AHNAK: variants seen among roughly 807,000 people sequenced by gnomAD.
AHNAK encodes neuroblast differentiation-associated protein AHNAK.
Under a neutral mutation model 37.8 loss-of-function variants are expected in AHNAK, and 23 were observed. That is an observed-to-expected ratio of 0.61 (90% confidence interval 0.44 to 0.86). The LOEUF is 0.86. Ranked by LOEUF, AHNAK falls within the 40% of genes least tolerant of loss-of-function variation. The pLI, the probability that AHNAK is intolerant of heterozygous loss-of-function variation, is 0.00. For missense variants in AHNAK, 7,411 were observed against 7,319.4 expected (o/e 1.01, Z -0.46); for synonymous variants, 2,481 against 2,636.3 (o/e 0.94, Z 1.80).
At position 62,525,089 on chromosome 11, in the gene AHNAK, C is replaced by G. The variant is rs1185772484; in HGVS notation, c.9328G>C (p.Asp3110His). 1.2e-6 allele frequency: 2 copies of G among 1,614,156 alleles called. No homozygotes were observed. Among genetic ancestry groups the G allele is most frequent in the Non-Finnish European group, 8.5e-7 (1 of 1,180,030 alleles). ...CCTTCCACTTTTGGCAGAGACACATCCATGTCACCCTTCACTTTGGGACCT... is the reference window on the plus strand; with the variant it reads ...CCTTCCACTTTTGGCAGAGACACATGCATGTCACCCTTCACTTTGGGACCT... ...LKGPKVKGDM[D>H]VSLPKVEGDM... is the part of the protein sequence containing the mutation. Residue 3110 changes from aspartate to histidine, a missense_variant, in exon 5 of 5, where the codon GAT becomes CAT. Physicochemically the swap from Asp to His is moderately conservative, Grantham distance 81. Transcript: ENST00000378024.
Position 62,466,424 on chromosome 11 carries a change from T to G in AHNAK, c.442+25308A>C, listed in dbSNP as rs924149123. 3.9e-5 allele frequency among the ~76,000 whole-genome samples: 6 copies of G among 152,080 alleles called. 1 individual carries two copies. The highest frequency in any genetic ancestry group is 8.8e-5 in the Non-Finnish European group (6 of 68,028). ...CACACCTGGCCTCTCTTCTTGGCTG[T>G]CTGTTAAGGATCCCAAACTTAACGT... On this transcript the variant is annotated intron_variant, in intron 5 of 5. Coordinates refer to the AHNAK transcript ENST00000257247.
At chr11:62,437,435 A>G (rs1157366109) in intron 5 of AHNAK, among the ~76,000 whole-genome samples, 1 of 152,222 alleles carries the variant, frequency 6.6e-6, no homozygotes, top group Non-Finnish European at 1.5e-5. Context: ...AGCCACTGCA[A>G]CATCTGCCTC....
Position 62,529,038 on chromosome 11 carries a change from G to C in AHNAK, c.5379C>G (p.Pro1793=), listed in dbSNP as rs1940621928. Residue 1793 remains proline (P), a synonymous_variant, in exon 5 of 5, where the codon CCC becomes CCG. Coordinates refer to ENST00000378024, the MANE Select transcript of AHNAK (RefSeq NM_001620.3). ...AAGCATCTATCTCTCCCTTCAGTTT[G>C]GGTCCCTTCAAATTCAAGTCCACAT... is the stretch of plus-strand genomic sequence containing the variant. The part of the protein sequence containing the change: ...MPDVDLNLKG[P]KLKGEIDASV... 2 of 1,614,132 alleles carry C rather than the reference G, an allele frequency of 1.2e-6. No individual in the cohort carries two copies. The highest frequency in any genetic ancestry group is 1.7e-6 in the Non-Finnish European group (2 of 1,180,032).
At position 62,523,851 on chromosome 11, in the gene AHNAK, C is replaced by T. The variant is rs377172811; in HGVS notation, c.10566G>A (p.Pro3522=). The T allele has an allele frequency of 2.3e-5, 37 of 1,614,068 alleles. No homozygotes were observed. The Admixed American group carries it at 2.5e-4, about 11-fold the overall frequency. Residue 3522 remains proline, a synonymous_variant, in exon 5 of 5, where the codon CCG becomes CCA. Coordinates refer to ENST00000378024, the MANE Select transcript of AHNAK (RefSeq NM_001620.3). The stretch of plus-strand genomic sequence containing the variant: ...ATTTGGGACCTTTCAAGCCTCCCTC[C>T]GGACCTTCCACATTGAGATCTGGGC... The part of the protein sequence containing the change: ...IEGPDLNVEG[P]EGGLKGPKFK...
chr11:62,463,123 C>CAAAAAAA (rs142849834), intron 5 of AHNAK, among the ~76,000 whole-genome samples: 2 of 77,828 alleles, frequency 2.6e-5, no homozygotes, highest in South Asian at 9.3e-4. Flanking sequence ...GACTCAGTCT[C>CAAAAAAA]AAAAAAAAAA....
intron 5 of AHNAK, among the ~76,000 whole-genome samples, chr11:62,484,095 G>GGCT (rs1468075734): frequency 6.6e-6 from 1 of 151,150 alleles, no homozygotes; most frequent in Non-Finnish European, 1.5e-5. Context: ...AAGAAGGGAT[G>GGCT]GCTGGGTGCA....
At chr11:62,534,915 G>A (rs562086950) in intron 4 of AHNAK, 88 bp downstream of exon 4, 36 of 1,398,010 alleles carry the variant, frequency 2.6e-5, no homozygotes, top group Middle Eastern at 2.6e-4. Flanking sequence ...GAGAGGGTCC[G>A]GAGGCACATG....
At chr11:62,491,803 C>T (rs760076087) in exon 5 of AHNAK, 4 of 1,612,668 alleles carry the variant, frequency 2.5e-6, no homozygotes, top group Non-Finnish European at 3.4e-6. Flanking sequence ...CTGGTCTTTG[C>T]ATTCCAGTGC....
At chr11:62,507,743 T>C (rs1300652147) in intron 4 of AHNAK, among the ~76,000 whole-genome samples, 2 of 152,056 alleles carry the variant, frequency 1.3e-5, no homozygotes, top group African/African-American at 2.4e-5. Flanking sequence ...ATGGCACCAC[T>C]GCACTCCAGA....
At chr11:62,512,929 A>G (rs540320252), downstream of AHNAK, among the ~76,000 whole-genome samples, 48 of 150,356 alleles carry the variant, frequency 3.2e-4, no homozygotes, top group South Asian at 7.0e-3. The surrounding 1 kb of genome is among the most constrained non-coding windows in gnomAD (Gnocchi z 4.0). Flanking sequence ...GGAAGGAAGG[A>G]AGGGAGGGAG....
intron 3 of AHNAK, among the ~76,000 whole-genome samples, chr11:62,535,430 C>G (rs1041116834): frequency 6.6e-6 from 1 of 152,062 alleles, no homozygotes; most frequent in Non-Finnish European, 1.5e-5. Context: ...AGGTGGATCG[C>G]CTGAGGTCAG....
Position 62,527,144 on chromosome 11 carries a change from G to T in AHNAK, c.7273C>A (p.Pro2425Thr), listed in dbSNP as rs764426831. 4 of 1,613,274 alleles carry T rather than the reference G, an allele frequency of 2.5e-6. No individual in the cohort carries two copies. The highest frequency in any genetic ancestry group is 3.4e-6 in the Non-Finnish European group (4 of 1,179,740). The change falls in exon 5 of 5, where the codon CCA becomes ACA. Residue 2425 changes from proline to threonine, a missense_variant. Physicochemically the swap from Pro to Thr is conservative, Grantham distance 38. Transcript: ENST00000378024. ...TCTGGTCCCTCAATGTCAATGTCTGGCCCACTGACATCCACATGTGGCCCT... is the reference window on the plus strand; with the variant it reads ...TCTGGTCCCTCAATGTCAATGTCTGTCCCACTGACATCCACATGTGGCCCT... ...LKGPHVDVSGPDIDIEGPEGK... is the reference protein window; with the variant it reads ...LKGPHVDVSGTDIDIEGPEGK...
chr11:62,534,491 C>T (rs1027782914), intron 4 of AHNAK, among the ~76,000 whole-genome samples: 5 of 152,192 alleles, frequency 3.3e-5, no homozygotes, highest in African/African-American at 1.2e-4. Context: ...ACCCTGAAAG[C>T]ACTCGTTGAG....
chr11:62,509,397 A>G (rs1212467985), intron 4 of AHNAK, among the ~76,000 whole-genome samples: 1 of 151,270 alleles, frequency 6.6e-6, no homozygotes, highest in Non-Finnish European at 1.5e-5. Context: ...AAAAATACAA[A>G]AAATTAGCTG....
rs1346309556 is a variant in AHNAK, at chr11:62,533,044, C to T, written c.1373G>A (p.Gly458Asp). 1.2e-6 allele frequency: 2 copies of T among 1,612,966 alleles called. No homozygotes were observed. The highest frequency in any genetic ancestry group is 1.7e-5 in the Admixed American group (1 of 59,702). The change falls in exon 5 of 5, where the codon GGT becomes GAT. Residue 458 changes from glycine (G) to aspartate (D), a missense_variant. Physicochemically the swap from Gly to Asp is moderately conservative, Grantham distance 94. Transcript: ENST00000378024. ...AGAGACCCCAGGAACAGTCACTTCACCTGTAGGCAGTGTCACATCAATCCC... is the reference window on the plus strand; with the variant it reads ...AGAGACCCCAGGAACAGTCACTTCATCTGTAGGCAGTGTCACATCAATCCC... ...ETGIDVTLPTGEVTVPGVSGD... is the reference protein window; with the variant it reads ...ETGIDVTLPTDEVTVPGVSGD...
intron 5 of AHNAK, among the ~76,000 whole-genome samples, chr11:62,444,706 G>A (rs891508959): frequency 1.3e-5 from 2 of 152,266 alleles, no homozygotes; most frequent in African/African-American, 4.8e-5. Flanking sequence ...ACGCATGCGC[G>A]ATGGGCACTC....
chr11:62,523,487 C>G lies in AHNAK; in HGVS notation c.10930G>C (p.Asp3644His), dbSNP rs1341592662. The G allele has an allele frequency of 5.0e-6, 8 of 1,613,576 alleles. No homozygotes were observed. The African/African-American group carries it at 9.4e-5, about 19-fold the overall frequency. The change falls in exon 5 of 5, where the codon GAC becomes CAC. Residue 3644 changes from aspartate (D) to histidine (H), a missense_variant. By Grantham distance (81) the Asp-to-His change is moderately conservative. Transcript: ENST00000378024. ...SGPNVDVDVP[D>H]VNIEGPDAKL... ...GCATCTGGACCTTCAATATTCACGTCTGGAACATCAACGTCTACATTGGGA... is the reference window on the plus strand; with the variant it reads ...GCATCTGGACCTTCAATATTCACGTGTGGAACATCAACGTCTACATTGGGA...
chr11:62,510,394 G>A (rs143699851), intron 4 of AHNAK, among the ~76,000 whole-genome samples: 123 of 152,184 alleles, frequency 8.1e-4, no homozygotes, highest in African/African-American at 2.8e-3. Context: ...GTATTTATGG[G>A]TAAAGGATCA....
chr11:62,504,182 G>A (rs921243103), intron 4 of AHNAK, among the ~76,000 whole-genome samples: 3 of 151,962 alleles, frequency 2.0e-5, no homozygotes, highest in Admixed American at 6.6e-5. Context: ...GAGAGAGAGA[G>A]AGAAAGAAAA....
Sources: allele counts gnomAD v4.1 joint callset (sites outside exome capture counted in the v4.1 genomes callset), GRCh38; gene constraint gnomAD v4.1.1; non-coding constraint Gnocchi (gnomAD v3.1); transcripts MANE v1.5; gene names NCBI Gene and HGNC (gene_info 2026-07-23, HGNC 2026-07-21).